Variants in CRY1 observed in about 807,000 individuals in gnomAD.
CRY1 encodes the protein cryptochrome circadian regulator 1.
A neutral mutation model predicts 76.0 loss-of-function variants in CRY1; 45 were observed. The observed-to-expected ratio is 0.59, with a 90% CI of 0.47 to 0.76. CRY1 has a LOEUF of 0.76. Among genes scored for constraint, CRY1 ranks in the 30% least tolerant of loss-of-function variants. The pLI, the probability that CRY1 is intolerant of heterozygous loss-of-function variation, is 0.00. For missense variants in CRY1, 587 were observed against 716.4 expected, an observed-to-expected ratio of 0.82 and a Z score of 2.06; for synonymous variants, 248 against 244.0, an observed-to-expected ratio of 1.02 and a Z score of -0.15.
chr12:107,056,997 G>T (rs1952991574), intron 1 of CRY1, among the ~76,000 whole-genome samples: 1 of 152,004 alleles, frequency 6.6e-6, no homozygotes. Context: ...AATTCTAAAT[G>T]ATATATTTTA....
chr12:107,087,095 C>T (rs547030488), intron 1 of CRY1, among the ~76,000 whole-genome samples: 5 of 152,088 alleles, frequency 3.3e-5, no homozygotes, highest in Non-Finnish European at 7.4e-5. Flanking sequence ...TTAAAAGTAT[C>T]CTTTGGATGT....
Position 106,999,807 on chromosome 12 carries a change from T to G in CRY1, c.881A>C (p.Glu294Ala). The G allele has an allele frequency of 6.2e-7, 1 of 1,614,234 alleles. No individual in the cohort carries two copies. Among genetic ancestry groups the G allele is most frequent in the East Asian group, 2.2e-5 (1 of 44,892 alleles). ...LSLYGQLLWR[E>A]FFYTAATNNP... ...ATTTGTTGCTGCTGTATAGAAAAATTCACGCCATAACAGTTGCCCATAAAG... is the reference window on the plus strand; with the variant it reads ...ATTTGTTGCTGCTGTATAGAAAAATGCACGCCATAACAGTTGCCCATAAAG... Residue 294 changes from glutamate to alanine, a missense_variant, in exon 7 of 13, where the codon GAA becomes GCA. Glu to Ala is a moderately radical substitution (Grantham distance 107). Coordinates refer to ENST00000008527, the MANE Select transcript of CRY1 (RefSeq NM_004075.5).
chr12:107,022,203 G>A lies in CRY1; in HGVS notation c.159-11C>T. ...CACTGAAGCAAAAATCTAGAGAGAA[G>A]AAAGTATTATTTAAATTATTAAAAA... On this transcript the variant is annotated splice_polypyrimidine_tract_variant and intron_variant, in intron 1 of 12. Coordinates refer to ENST00000008527, the MANE Select transcript of CRY1 (RefSeq NM_004075.5). 1 of 1,433,526 alleles carries A rather than the reference G, an allele frequency of 7.0e-7. No homozygotes were observed. Among genetic ancestry groups the A allele is most frequent in the Non-Finnish European group, 9.6e-7 (1 of 1,044,426 alleles). 88.8% of individuals were successfully genotyped at this position (1,433,526 alleles called of 1,614,324 possible).
intron 1 of CRY1, among the ~76,000 whole-genome samples, chr12:107,069,713 T>C (rs1172745971): frequency 1.4e-5 from 2 of 145,378 alleles, no homozygotes; most frequent in East Asian, 3.9e-4. Context: ...ATAGTGTATA[T>C]ATATAAAGTA....
Position 107,093,402 on chromosome 12 carries a change from G to A in CRY1, c.-441C>T, listed in dbSNP as rs1953500281. The A allele has an allele frequency of 6.3e-6, 1 of 159,246 alleles. No homozygotes were observed. The highest frequency in any genetic ancestry group is 1.4e-5 in the Non-Finnish European group (1 of 72,544). 9.9% of individuals were successfully genotyped at this position (159,246 alleles called of 1,614,324 possible). A position where few individuals can be genotyped will look rare whatever the true frequency, so the allele number is the denominator to read the frequency against. ...AACGGCCCGCCCGAGGTGAGTCACC[G>A]AGGAGAACCGGAGGGGAATGAGCCC... On this transcript the variant is annotated 5_prime_UTR_variant, in exon 1 of 13. Coordinates refer to ENST00000008527, the MANE Select transcript of CRY1 (RefSeq NM_004075.5).
chr12:107,031,690 T>C (rs1952676774), intron 1 of CRY1, among the ~76,000 whole-genome samples: 1 of 152,070 alleles, frequency 6.6e-6, no homozygotes, highest in Non-Finnish European at 1.5e-5. Context: ...ATAACCCTAG[T>C]TTAATTATCA....
At chr12:107,083,202 A>G (rs1272452849) in intron 1 of CRY1, among the ~76,000 whole-genome samples, 1 of 152,222 alleles carries the variant, frequency 6.6e-6, no homozygotes, top group African/African-American at 2.4e-5. Flanking sequence ...AGTAATTAGT[A>G]GCCTACCAAC....
intron 2 of CRY1, among the ~76,000 whole-genome samples, chr12:107,006,435 T>G (rs1952375730): frequency 6.6e-6 from 1 of 152,024 alleles, no homozygotes; most frequent in Non-Finnish European, 1.5e-5. Flanking sequence ...TATGCACACA[T>G]CTTACAAATT....
intron 2 of CRY1, among the ~76,000 whole-genome samples, chr12:107,015,338 T>A (rs11113165): frequency 5.5e-5 from 7 of 127,880 alleles, no homozygotes; most frequent in Non-Finnish European, 8.5e-5. Context: ...GAAGTCCCTA[T>A]CTACTCTTTT....
At chr12:107,001,448 C>A in intron 4 of CRY1, 80 bp from the exon 5 acceptor site, 1 of 1,227,768 alleles carries the variant, frequency 8.1e-7, no homozygotes. Flanking sequence ...GAACAAATTA[C>A]TTTGCAGAAA....
At position 107,005,185 on chromosome 12, in the gene CRY1, C is replaced by T. The variant is rs760048225; in HGVS notation, c.331G>A (p.Ala111Thr). The T allele has an allele frequency of 7.4e-6, 12 of 1,613,366 alleles. No homozygotes were observed. Among genetic ancestry groups the T allele is most frequent in the African/African-American group, 1.3e-5 (1 of 74,834 alleles). The change falls in exon 3 of 13, where the codon GCA (alanine) becomes ACA (threonine). Residue 111 changes from alanine to threonine, a missense_variant. Coordinates refer to ENST00000008527, the MANE Select transcript of CRY1 (RefSeq NM_004075.5). ...DSEPFGKERD[A>T]AIKKLATEAG... ...TCAGTTGCCAGTTTCTTAATAGCTG[C>T]GTCTCGTTCCTTTCCAAAGGGCTCA...
chr12:107,000,823 A>C (rs1322385629), intron 5 of CRY1, among the ~76,000 whole-genome samples: 1 of 148,808 alleles, frequency 6.7e-6, no homozygotes, highest in Admixed American at 6.7e-5. Flanking sequence ...TAACTTTTGT[A>C]TTTTTAGTAA....
chr12:107,036,720 T>C (rs1235981520), intron 1 of CRY1, among the ~76,000 whole-genome samples: 1 of 152,122 alleles, frequency 6.6e-6, no homozygotes, highest in Non-Finnish European at 1.5e-5. Context: ...CATGTCCTCC[T>C]TGGGATCCTG....
intron 1 of CRY1, among the ~76,000 whole-genome samples, chr12:107,036,004 A>G (rs115241971): frequency 0.012 from 1,894 of 152,316 alleles, 32 homozygotes; most frequent in African/African-American, 0.043. Flanking sequence ...TGCTGAGTTC[A>G]CTGCAGCTCC....
chr12:107,041,293 G>A (rs1370513080), intron 1 of CRY1, among the ~76,000 whole-genome samples: 1 of 151,966 alleles, frequency 6.6e-6, no homozygotes, highest in Non-Finnish European at 1.5e-5. Flanking sequence ...TGAATGCATT[G>A]TATCATTGAT....
chr12:107,072,947 G>A (rs984324461), intron 1 of CRY1: 3 of 152,046 alleles, frequency 2.0e-5, no homozygotes, highest in Admixed American at 1.3e-4. Flanking sequence ...CACTGAATTG[G>A]AAATGATCCA....
chr12:107,015,892 C>CCCAG (rs1952493192), intron 2 of CRY1, among the ~76,000 whole-genome samples: 1 of 152,086 alleles, frequency 6.6e-6, no homozygotes, highest in Non-Finnish European at 1.5e-5. Context: ...CACTATGTTG[C>CCCAG]CCAGGCTGGT....
chr12:107,076,483 C>G (rs1425288208), intron 1 of CRY1, among the ~76,000 whole-genome samples: 1 of 151,790 alleles, frequency 6.6e-6, no homozygotes, highest in Admixed American at 6.6e-5. Flanking sequence ...TGGTGGCACA[C>G]ACCTGTAATT....
intron 1 of CRY1, among the ~76,000 whole-genome samples, chr12:107,056,476 C>T (rs373469464): frequency 1.4e-4 from 21 of 152,288 alleles, no homozygotes; most frequent in African/African-American, 5.1e-4. Context: ...AGCAAGCTTG[C>T]CCAACCTGTG....
Sources: gnomAD v4.1 joint callset for allele counts (sites outside exome capture counted in the v4.1 genomes callset) on GRCh38, gnomAD v4.1.1 for gene constraint, MANE v1.5 for transcripts, NCBI Gene and HGNC (gene_info 2026-07-23, HGNC 2026-07-21) for gene names.